The following ITGA2B variants were observed in gnomAD, a reference collection of about 807,000 sequenced individuals.
ITGA2B encodes integrin subunit alpha 2b.
Under a neutral mutation model 142.0 loss-of-function variants are expected in ITGA2B, and 91 were observed. The ratio of observed to expected loss-of-function variants is 0.64; its 90% CI spans 0.54 to 0.76. ITGA2B has a LOEUF of 0.76. Ranked by LOEUF, ITGA2B falls within the 30% of genes least tolerant of loss-of-function variation. ITGA2B has a pLI of 0.00. For synonymous variants in ITGA2B, 536 were observed against 567.2 expected, an observed-to-expected ratio of 0.94 and a Z score of 0.78; for missense variants, 1,231 against 1,350.8, an observed-to-expected ratio of 0.91 and a Z score of 1.39.
chr17:44,377,156 G>T, intron 21 of ITGA2B, 68 bp from the exon 22 acceptor site: 1 of 1,173,056 alleles, frequency 8.5e-7, no homozygotes, highest in Non-Finnish European at 1.2e-6. Context: ...CCCTGAATGT[G>T]GCCTCCAGTC....
rs780507775 is a variant in ITGA2B at position 44,383,608 on chromosome 17, C to T, written c.1095G>A (p.Pro365=). The T allele has an allele frequency of 1.5e-5, 24 of 1,608,628 alleles. No individual in the cohort carries two copies. The highest frequency in any genetic ancestry group is 1.7e-4 in the Middle Eastern group (1 of 5,914). The change falls in exon 12 of 30, where the codon CCG becomes CCA. Residue 365 remains proline, a synonymous_variant. Coordinates refer to ENST00000262407, the MANE Select transcript of ITGA2B (RefSeq NM_000419.5). ...GGGCACCCAGCGCGTGGGGGCCTCG[C>T]GGCTGCAGGAACAAATACACACGCC... ...EVGRVYLFLQ[P]RGPHALGAPS... is the part of the protein sequence containing the mutation.
chr17:44,385,684 TAG>T lies in ITGA2B; in HGVS notation c.439_440del (p.Leu147ArgfsTer4). On this transcript the variant is annotated frameshift_variant, in exon 4 of 30. Transcript: ENST00000262407. ...TCTTCTCAGCCTCCTCAGTCTTTTC[TAG>T]GACGTTCCAGTGCTGCCAGGGGGCG... is the stretch of plus-strand genomic sequence containing the variant. ...ACAPWQHWNV[L>X]EKTEEAEKTP... The T allele has an allele frequency of 6.2e-7, 1 of 1,613,742 alleles. No individual in the cohort carries two copies. The highest frequency in any genetic ancestry group is 1.1e-5 in the South Asian group (1 of 91,086).
intron 26 of ITGA2B, 138 bp from the exon 27 acceptor site, chr17:44,375,249 G>T (rs2048530824): frequency 1.3e-6 from 1 of 747,672 alleles, no homozygotes; most frequent in African/African-American, 1.7e-5. Flanking sequence ...AAGGGCCTTG[G>T]ATCCAAGCTT....
chr17:44,376,762 A>G (rs1487213514), intron 22 of ITGA2B, among the ~76,000 whole-genome samples: 3 of 152,076 alleles, frequency 2.0e-5, no homozygotes, highest in East Asian at 3.9e-4. Flanking sequence ...GTAGGTGCGC[A>G]CCACCATGCC....
At chr17:44,377,575 G>T in intron 21 of ITGA2B, 123 bp downstream of exon 21, 1 of 735,492 alleles carries the variant, frequency 1.4e-6, no homozygotes, top group Non-Finnish European at 2.4e-6. Context: ...AAGGACATGT[G>T]GCAAGGGAGT....
Position 44,375,658 on chromosome 17 carries a change from C to A in ITGA2B, c.2660G>T (p.Arg887Leu). ...TGGCAGGAAGATCTGTCTGCGATCCCGCTTGTGATGGGCCGGGTGAATGGG... is the reference window on the plus strand; with the variant it reads ...TGGCAGGAAGATCTGTCTGCGATCCAGCTTGTGATGGGCCGGGTGAATGGG... Reference protein sequence around the residue: ...PSPIHPAHHKRDRRQIFLPEP... With the variant: ...PSPIHPAHHKLDRRQIFLPEP... Residue 887 changes from arginine to leucine, a missense_variant, in exon 26 of 30, where the codon CGG (arginine) becomes CTG (leucine). Around this residue, in one of 3 missense-constraint regions of ITGA2B, gnomAD observed 908 missense variants for 1,021.1 expected, o/e 0.89. Coordinates refer to ENST00000262407, the MANE Select transcript of ITGA2B (RefSeq NM_000419.5). 1 of 1,611,876 alleles carries A rather than the reference C, an allele frequency of 6.2e-7. No homozygotes were observed. The highest frequency in any genetic ancestry group is 2.2e-5 in the East Asian group (1 of 44,796).
rs746156212 is a variant in ITGA2B at position 44,374,689 on chromosome 17, G to C, written c.2913C>G (p.Pro971=). 9.9e-6 allele frequency: 16 copies of C among 1,613,936 alleles called. No individual in the cohort carries two copies. The highest frequency in any genetic ancestry group is 1.3e-5 in the African/African-American group (1 of 74,904). ...CTTCCCCTCGGGGCAGGCTGAGCGG[G>C]GGCACCGCATAGGGGAGGGAGGACA... ...FNVSSLPYAV[P]PLSLPRGEAQ... The change falls in exon 28 of 30, where the codon CCC becomes CCG. Residue 971 remains proline, a synonymous_variant. Transcript: ENST00000262407.
chr17:44,389,374 G>T lies in ITGA2B; in HGVS notation c.100C>A (p.Leu34Met), dbSNP rs767563149. ...CAAPPAWALNLDPVQLTFYAG... is the reference protein window; with the variant it reads ...CAAPPAWALNMDPVQLTFYAG... ...TAGAAGGTGAGCTGCACTGGGTCCAGGTTCAAGGCCCAGGCTGGAGGGGCA... is the reference window on the plus strand; with the variant it reads ...TAGAAGGTGAGCTGCACTGGGTCCATGTTCAAGGCCCAGGCTGGAGGGGCA... Residue 34 changes from leucine to methionine, a missense_variant, in exon 1 of 30, where the codon CTG (leucine) becomes ATG (methionine). Physicochemically the swap from Leu to Met is conservative, Grantham distance 15. Around this residue, in one of 3 missense-constraint regions of ITGA2B, gnomAD observed 318 missense variants for 312.2 expected, o/e 1.02. Transcript: ENST00000262407. The T allele has an allele frequency of 6.2e-7, 1 of 1,614,138 alleles. No homozygotes were observed. Among genetic ancestry groups the T allele is most frequent in the Non-Finnish European group, 8.5e-7 (1 of 1,180,026 alleles).
Position 44,372,216 on chromosome 17 carries a change from G to T in ITGA2B, c.*148C>A, listed in dbSNP as rs536838795. On this transcript the variant is annotated 3_prime_UTR_variant, in exon 30 of 30. Transcript: ENST00000262407. ...GTCTCTTTATTAGGCAGCAGGAGGG[G>T]GGGTAGCCCAGCTCTGTTGGGAGGG... 26 of 744,644 alleles carry T rather than the reference G, an allele frequency of 3.5e-5. No homozygotes were observed. The highest frequency in any genetic ancestry group is 3.5e-4 in the East Asian group (13 of 37,312). 46.1% of individuals were successfully genotyped at this position (744,644 alleles called of 1,614,324 possible). A position where few individuals can be genotyped will look rare whatever the true frequency, so the allele number is the denominator to read the frequency against.
Position 44,372,398 on chromosome 17 carries a change from G to C in ITGA2B, c.3086C>G (p.Pro1029Arg). ...CTCTTCATCATCTTCTTCCAGGGGT[G>C]GCCGGTTCCGCTTGAAGAAGCCGAC... is the stretch of plus-strand genomic sequence containing the variant. ...WKVGFFKRNR[P>R]PLEEDDEEGE The change falls in exon 30 of 30, where the codon CCA (proline) becomes CGA (arginine). Residue 1029 changes from proline to arginine, a missense_variant. Around this residue, in one of 3 missense-constraint regions of ITGA2B, gnomAD observed 908 missense variants for 1,021.1 expected, o/e 0.89. Transcript: ENST00000262407. 6.2e-7 allele frequency: 1 copy of C among 1,614,098 alleles called. No homozygotes were observed. The highest frequency in any genetic ancestry group is 8.5e-7 in the Non-Finnish European group (1 of 1,180,014).
intron 1 of ITGA2B, among the ~76,000 whole-genome samples, chr17:44,388,660 A>G (rs2048671335): frequency 6.6e-6 from 1 of 151,882 alleles, no homozygotes; most frequent in Non-Finnish European, 1.5e-5. Context: ...CTGGGACTAC[A>G]GGAGTGTGCC....
rs760721457 is a variant in ITGA2B at position 44,385,037 on chromosome 17, C to T, written c.710G>A (p.Ser237Asn). The change falls in exon 7 of 30, where the codon AGT becomes AAT. Residue 237 changes from serine (S) to asparagine (N), a missense_variant. Physicochemically the swap from Ser to Asn is conservative, Grantham distance 46. Transcript: ENST00000262407. Reference sequence around the variant, plus strand: ...CCACAAAAGGATGCCTGGGCGGTAACTCGAGAAAATATCCGCAACTGGAGC... The same window carrying T: ...CCACAAAAGGATGCCTGGGCGGTAATTCGAGAAAATATCCGCAACTGGAGC... Reference protein sequence around the residue: ...AQAPVADIFSSYRPGILLWHV... With the variant: ...AQAPVADIFSNYRPGILLWHV... 5 of 1,614,052 alleles carry T rather than the reference C, an allele frequency of 3.1e-6. No homozygotes were observed. In the African/African-American group the frequency reaches 6.7e-5, roughly 22 times the overall value.
At chr17:44,375,518 C>G in intron 26 of ITGA2B, 73 bp downstream of exon 26, 1 of 1,579,268 alleles carries the variant, frequency 6.3e-7, no homozygotes, top group Non-Finnish European at 8.6e-7. Flanking sequence ...ACCCGGACCC[C>G]TCTCCCTCCT....
At position 44,376,343 on chromosome 17, in the gene ITGA2B, C is replaced by T; in HGVS notation, c.2313G>A (p.Val771=). Residue 771 remains valine (V), a synonymous_variant, in exon 23 of 30, where the codon GTG becomes GTA. Transcript: ENST00000262407. ...NPNSKIVLLD[V]PVRAEAQVEL... ...CCACTTGGGCCTCTGCCCGGACCGG[C>T]ACGTCCAGCAGCACAATCTTGCTGT... The T allele has an allele frequency of 6.2e-7, 1 of 1,614,196 alleles. No individual in the cohort carries two copies. The highest frequency in any genetic ancestry group is 1.1e-5 in the South Asian group (1 of 91,086).
chr17:44,374,686 C>T lies in ITGA2B; in HGVS notation c.2916G>A (p.Pro972=), dbSNP rs5913. 7,377 of 1,613,874 alleles carry T rather than the reference C, an allele frequency of 4.6e-3. 26 individuals carry two copies. Among genetic ancestry groups the T allele is most frequent in the Middle Eastern group, 6.4e-3 (39 of 6,062 alleles). The change falls in exon 28 of 30, where the codon CCG becomes CCA. Residue 972 remains proline, a synonymous_variant. Coordinates refer to ENST00000262407, the MANE Select transcript of ITGA2B (RefSeq NM_000419.5). ...GAGCTTCCCCTCGGGGCAGGCTGAG[C>T]GGGGGCACCGCATAGGGGAGGGAGG... ...NVSSLPYAVP[P]LSLPRGEAQV... is the part of the protein sequence containing the mutation.
In ITGA2B at chr17:44,388,818, C is replaced by CTTTTTTTTTT. The variant is rs758076614; in HGVS notation, c.188+458_188+467dup. Among the ~76,000 whole-genome samples, 22 of 132,178 alleles carry CTTTTTTTTTT rather than the reference C, an allele frequency of 1.7e-4. 6 individuals are homozygous for CTTTTTTTTTT. Among genetic ancestry groups the CTTTTTTTTTT allele is most frequent in the East Asian group, 2.2e-4 (1 of 4,650 alleles). The allele number at this position is 132,178 out of a possible 152,430, so 86.7% of individuals were successfully genotyped here. ...AGGTGTGAGCCACTGTGCCTGGTCT[C>CTTTTTTTTTT]TTTTTTTTTTTTTTTTTTGTATTTT... On this transcript the variant is annotated intron_variant, in intron 1 of 29. Coordinates refer to ENST00000262407, the MANE Select transcript of ITGA2B (RefSeq NM_000419.5).
Position 44,372,246 on chromosome 17 carries a change from G to A in ITGA2B, c.*118C>T, listed in dbSNP as rs2048503364. ...AGCCCAGCTCTGTTGGGAGGGAAAC[G>A]ACACCAAGAGGACCCAATGGAACAG... On this transcript the variant is annotated 3_prime_UTR_variant, in exon 30 of 30. Coordinates refer to ENST00000262407, the MANE Select transcript of ITGA2B (RefSeq NM_000419.5). The A allele has an allele frequency of 6.9e-6, 7 of 1,008,410 alleles. No homozygotes were observed. The highest frequency in any genetic ancestry group is 2.5e-5 in the East Asian group (1 of 39,934). The allele number at this position is 1,008,410 out of a possible 1,614,324, so 62.5% of individuals were successfully genotyped here.
chr17:44,387,773 C>T (rs1411737362), intron 1 of ITGA2B, among the ~76,000 whole-genome samples: 3 of 130,452 alleles, frequency 2.3e-5, no homozygotes, highest in Admixed American at 9.5e-5. Context: ...TGCGGTGAGC[C>T]AGTGATTGTG....
chr17:44,377,830 C>CAT (rs749532076), intron 20 of ITGA2B, 40 bp from the exon 21 acceptor site: 430 of 1,153,882 alleles, frequency 3.7e-4, no homozygotes, highest in Non-Finnish European at 4.4e-4. Context: ...TACAGAGCAT[C>CAT]ATATATATAT....
Sources: gnomAD v4.1 joint callset for allele counts (sites outside exome capture counted in the v4.1 genomes callset) on GRCh38, gnomAD v4.1.1 for gene constraint, gnomAD v4.1.1 regional missense constraint, MANE v1.5 for transcripts, NCBI Gene and HGNC (gene_info 2026-07-23, HGNC 2026-07-21) for gene names.